The following SERINC5 variants were observed in gnomAD, a reference collection of about 807,000 sequenced individuals.
SERINC5 encodes the protein serine incorporator 5.
A neutral mutation model predicts 63.1 loss-of-function variants in SERINC5; 41 were observed. That is an observed-to-expected ratio of 0.65 (90% CI 0.51 to 0.84). The LOEUF (loss-of-function observed/expected upper bound fraction) is 0.84. Ranked by LOEUF, SERINC5 falls within the 40% of genes least tolerant of loss-of-function variation. SERINC5 has a pLI of 0.00. For synonymous variants in SERINC5, 222 were observed against 215.2 expected (o/e 1.03, Z -0.28); for missense variants, 523 against 573.0 (o/e 0.91, Z 0.89).
chr5:80,161,899 A>G (rs1746953828), intron 7 of SERINC5, among the ~76,000 whole-genome samples: 1 of 150,874 alleles, frequency 6.6e-6, no homozygotes, highest in Admixed American at 6.7e-5. Flanking sequence ...ATGTGGTGAG[A>G]GACAGGGGTT....
chr5:80,194,252 T>A (rs2112467746), intron 2 of SERINC5, among the ~76,000 whole-genome samples: 1 of 151,394 alleles, frequency 6.6e-6, no homozygotes, highest in African/African-American at 2.5e-5. Context: ...CAAAAGCATA[T>A]AAGCGGAGAA....
At chr5:80,190,479 T>C (rs1391593265) in intron 2 of SERINC5, among the ~76,000 whole-genome samples, 1 of 152,192 alleles carries the variant, frequency 6.6e-6, no homozygotes, top group Non-Finnish European at 1.5e-5. Context: ...GACATACACA[T>C]GTATTACAGC....
At chr5:80,242,086 G>GT (rs1416746677) in intron 1 of SERINC5, among the ~76,000 whole-genome samples, 5 of 151,936 alleles carry the variant, frequency 3.3e-5, no homozygotes, top group Admixed American at 6.6e-5. Flanking sequence ...AGCTGTGAAC[G>GT]TATCACTGCA....
At chr5:80,222,614 C>A (rs1164768965) in intron 1 of SERINC5, among the ~76,000 whole-genome samples, 1 of 150,136 alleles carries the variant, frequency 6.7e-6, no homozygotes, top group African/African-American at 2.5e-5. Context: ...CTCTTGTTGT[C>A]CAGGCTGGAG....
intron 1 of SERINC5, among the ~76,000 whole-genome samples, chr5:80,208,793 G>T (rs1279219310): frequency 6.6e-6 from 1 of 152,146 alleles, no homozygotes; most frequent in Non-Finnish European, 1.5e-5. Flanking sequence ...ACAAACACTA[G>T]AAACAGCCTT....
At position 80,169,555 on chromosome 5, in the gene SERINC5, C is replaced by T; in HGVS notation, c.552-9G>A. 1.2e-6 allele frequency: 2 copies of T among 1,607,058 alleles called. No homozygotes were observed. Among genetic ancestry groups the T allele is most frequent in the South Asian group, 1.1e-5 (1 of 90,352 alleles). On this transcript the variant is annotated splice_polypyrimidine_tract_variant and intron_variant, in intron 5 of 11. Coordinates refer to ENST00000507668, the MANE Select transcript of SERINC5 (RefSeq NM_001174072.3). The stretch of plus-strand genomic sequence containing the variant: ...TGGCTGTGCCTGCTGTCCTGTTTCT[C>T]CGGGAAGTGGGTAAGAGGGAGAGGA...
intron 8 of SERINC5, among the ~76,000 whole-genome samples, chr5:80,155,804 G>T (rs73772261): frequency 0.037 from 5,584 of 152,134 alleles, 139 homozygotes; most frequent in East Asian, 0.095. Context: ...CCAAGGTTAG[G>T]GCTTACATGG....
At chr5:80,190,407 G>A (rs1474925671) in intron 2 of SERINC5, among the ~76,000 whole-genome samples, 2 of 151,928 alleles carry the variant, frequency 1.3e-5, no homozygotes, top group African/African-American at 4.8e-5. Context: ...CATATAATTT[G>A]TAAAAATCCA....
At chr5:80,221,816 A>T (rs1295293647) in intron 1 of SERINC5, among the ~76,000 whole-genome samples, 1 of 151,770 alleles carries the variant, frequency 6.6e-6, no homozygotes, top group Non-Finnish European at 1.5e-5. Flanking sequence ...ATCAATGAAC[A>T]TCAAAAGAAA....
intron 2 of SERINC5, among the ~76,000 whole-genome samples, chr5:80,185,011 G>T (rs1748712142): frequency 6.6e-6 from 1 of 152,044 alleles, no homozygotes; most frequent in African/African-American, 2.4e-5. Flanking sequence ...CAAGTAGCTG[G>T]GATTACAGGC....
intron 11 of SERINC5, among the ~76,000 whole-genome samples, chr5:80,121,403 T>G (rs557674605): frequency 1.3e-4 from 20 of 152,224 alleles, no homozygotes; most frequent in Non-Finnish European, 2.9e-5. Flanking sequence ...ATGACCTCCC[T>G]GAGATTGCTG....
chr5:80,131,054 A>T (rs1340740660), intron 11 of SERINC5, among the ~76,000 whole-genome samples: 3 of 152,186 alleles, frequency 2.0e-5, no homozygotes, highest in African/African-American at 7.2e-5. Context: ...CTGAAAATGT[A>T]ATACATATTT....
chr5:80,234,173 T>C (rs16877646), intron 1 of SERINC5, among the ~76,000 whole-genome samples: 50,131 of 151,958 alleles, frequency 0.33, 8,570 homozygotes, highest in African/African-American at 0.43. Flanking sequence ...AGAGCAGTCA[T>C]TTCTCCAGCA....
At chr5:80,180,973 G>A (rs1429550132) in intron 2 of SERINC5, among the ~76,000 whole-genome samples, 1 of 152,070 alleles carries the variant, frequency 6.6e-6, no homozygotes, top group East Asian at 1.9e-4. Context: ...AAAGGTTTAG[G>A]GACCAGCAGA....
chr5:80,118,360 C>T (rs757786198), intron 11 of SERINC5, among the ~76,000 whole-genome samples: 18 of 152,132 alleles, frequency 1.2e-4, no homozygotes, highest in Non-Finnish European at 1.8e-4. Context: ...GTTCAGGCAA[C>T]TATAACAAAA....
chr5:80,127,305 T>C (rs1744782397), intron 11 of SERINC5, among the ~76,000 whole-genome samples: 1 of 152,158 alleles, frequency 6.6e-6, no homozygotes, highest in Non-Finnish European at 1.5e-5. Flanking sequence ...AAGTGATGTG[T>C]GCCACTTCGA....
intron 2 of SERINC5, among the ~76,000 whole-genome samples, chr5:80,195,285 G>T (rs59695259): frequency 0.047 from 6,118 of 130,362 alleles, 438 homozygotes; most frequent in African/African-American, 0.17. Flanking sequence ...AAACTCTGTC[G>T]CAAAAAAAAA....
intron 2 of SERINC5, among the ~76,000 whole-genome samples, chr5:80,190,005 C>A (rs1420585117): frequency 6.6e-6 from 1 of 152,110 alleles, no homozygotes; most frequent in Non-Finnish European, 1.5e-5. Context: ...AGCCACCTCA[C>A]TCAGCCAAAA....
At chr5:80,207,698 T>A (rs1215510418) in intron 1 of SERINC5, among the ~76,000 whole-genome samples, 1 of 152,254 alleles carries the variant, frequency 6.6e-6, no homozygotes, top group Non-Finnish European at 1.5e-5. Context: ...TGTGTCTATA[T>A]GTATGTGTAC....
Sources: allele counts gnomAD v4.1 joint callset (sites outside exome capture counted in the v4.1 genomes callset), GRCh38; gene constraint gnomAD v4.1.1; transcripts MANE v1.5; gene names NCBI Gene and HGNC (gene_info 2026-07-23, HGNC 2026-07-21).